Variants in TMEM30A observed in about 807,000 individuals in gnomAD.
The protein encoded by TMEM30A is cell cycle control protein 50A.
A neutral mutation model predicts 38.2 loss-of-function variants in TMEM30A; 24 were observed. The observed-to-expected ratio is 0.63, with a 90% confidence interval of 0.46 to 0.88. The LOEUF (loss-of-function observed/expected upper bound fraction) is 0.88, where lower values mean the gene tolerates loss of function less well. Ranked by LOEUF, TMEM30A falls within the 40% of genes least tolerant of loss-of-function variation. The pLI, the probability that TMEM30A is intolerant of heterozygous loss-of-function variation, is 0.00. For missense variants in TMEM30A, 370 were observed against 458.6 expected (o/e 0.81, Z 1.77); for synonymous variants, 145 against 161.6 (o/e 0.90, Z 0.78).
At chr6:75,270,183 A>G (rs893196090) in intron 1 of TMEM30A, among the ~76,000 whole-genome samples, 2 of 151,970 alleles carry the variant, frequency 1.3e-5, no homozygotes, top group African/African-American at 4.8e-5. Context: ...CATAATTCCT[A>G]TTGCTCCACA....
intron 3 of TMEM30A, among the ~76,000 whole-genome samples, chr6:75,262,004 T>A (rs935154380): frequency 6.6e-6 from 1 of 152,190 alleles, no homozygotes; most frequent in Admixed American, 6.5e-5. Flanking sequence ...ATGTGTCAGG[T>A]ACTAAACTAA....
At chr6:75,270,628 C>T (rs1772149932) in intron 1 of TMEM30A, among the ~76,000 whole-genome samples, 1 of 152,174 alleles carries the variant, frequency 6.6e-6, no homozygotes, top group African/African-American at 2.4e-5. Flanking sequence ...ACTTCCCAGC[C>T]TCCAGAACTA....
At chr6:75,280,625 G>A (rs1270492150) in intron 1 of TMEM30A, among the ~76,000 whole-genome samples, 1 of 152,026 alleles carries the variant, frequency 6.6e-6, no homozygotes, top group East Asian at 1.9e-4. Flanking sequence ...CCTGGGCCAC[G>A]CAAAACATTC....
chr6:75,256,365 C>T (rs1369522569), intron 6 of TMEM30A, 70 bp from the exon 7 acceptor site: 1 of 1,400,832 alleles, frequency 7.1e-7, no homozygotes, highest in East Asian at 2.3e-5. Context: ...TTAAAAGTTG[C>T]CATTTAATTG....
intron 6 of TMEM30A, 89 bp downstream of exon 6, chr6:75,258,691 A>G: frequency 8.5e-7 from 1 of 1,172,166 alleles, no homozygotes; most frequent in South Asian, 1.4e-5. Flanking sequence ...AAACTAAAGC[A>G]CAAGGTAACA....
intron 1 of TMEM30A, among the ~76,000 whole-genome samples, chr6:75,274,749 C>T (rs529571110): frequency 2.6e-4 from 39 of 152,064 alleles, no homozygotes; most frequent in South Asian, 8.3e-4. Context: ...TCAGGCCGGG[C>T]GCGGTGGCTC....
At chr6:75,264,895 T>C (rs1332837809) in intron 3 of TMEM30A, among the ~76,000 whole-genome samples, 1 of 151,464 alleles carries the variant, frequency 6.6e-6, no homozygotes, top group African/African-American at 2.4e-5. Flanking sequence ...AGGTCAGGAG[T>C]TTGAAAGCAG....
chr6:75,274,069 G>A (rs1209604147), intron 1 of TMEM30A, among the ~76,000 whole-genome samples: 2 of 152,206 alleles, frequency 1.3e-5, no homozygotes, highest in African/African-American at 2.4e-5. Context: ...TTTTAAGGCA[G>A]GCTGTAAGCT....
At chr6:75,260,472 T>C (rs555061740) in intron 4 of TMEM30A, among the ~76,000 whole-genome samples, 4 of 152,310 alleles carry the variant, frequency 2.6e-5, no homozygotes, top group South Asian at 2.1e-4. Flanking sequence ...CTTGTATTTA[T>C]AGCTCACATT....
At chr6:75,259,887 G>T (rs1185419238) in intron 4 of TMEM30A, among the ~76,000 whole-genome samples, 5 of 152,130 alleles carry the variant, frequency 3.3e-5, no homozygotes. Flanking sequence ...GGGCTACTGA[G>T]TCTTTCATAT....
intron 1 of TMEM30A, among the ~76,000 whole-genome samples, chr6:75,277,824 T>C (rs1344634952): frequency 6.6e-6 from 1 of 152,160 alleles, no homozygotes; most frequent in Non-Finnish European, 1.5e-5. Flanking sequence ...AAGGGTTGCT[T>C]GAGCCTAGGA....
chr6:75,284,750 C>A lies in TMEM30A; in HGVS notation c.-112G>T. 1 of 987,642 alleles carries A rather than the reference C, an allele frequency of 1.0e-6. No homozygotes were observed. The highest frequency in any genetic ancestry group is 1.6e-6 in the Non-Finnish European group (1 of 634,576). The allele number at this position is 987,642 out of a possible 1,614,324, so 61.2% of individuals were successfully genotyped here. ...GCTGCCGCCGCCGCCGCCGCAGCCA[C>A]CAGCGCCACCGCCACAGCCACCTCC... On this transcript the variant is annotated 5_prime_UTR_variant, in exon 1 of 7. Coordinates refer to ENST00000230461, the MANE Select transcript of TMEM30A (RefSeq NM_018247.4).
rs149465779 is a variant in TMEM30A, at chr6:75,258,845, A to G, written c.827T>C (p.Ile276Thr). 6.2e-7 allele frequency: 1 copy of G among 1,613,864 alleles called. No homozygotes were observed. The highest frequency in any genetic ancestry group is 8.5e-7 in the Non-Finnish European group (1 of 1,179,916). ...LPTFRKLYRLIERKSDLHPTL... is the reference protein window; with the variant it reads ...LPTFRKLYRLTERKSDLHPTL... ...TGGATGTAAATCACTTTTCCTTTCT[A>G]TAAGACGATACAACTTGCGAAAAGT... is the stretch of plus-strand genomic sequence containing the variant. The change falls in exon 6 of 7, where the codon ATA becomes ACA. Residue 276 changes from isoleucine to threonine, a missense_variant. By Grantham distance (89) the Ile-to-Thr change is moderately conservative (BLOSUM62 -1). Coordinates refer to ENST00000230461, the MANE Select transcript of TMEM30A (RefSeq NM_018247.4).
At chr6:75,276,713 T>C (rs981037853) in intron 1 of TMEM30A, among the ~76,000 whole-genome samples, 1 of 152,220 alleles carries the variant, frequency 6.6e-6, no homozygotes, top group African/African-American at 2.4e-5. Flanking sequence ...AGTGAAATAA[T>C]AACACCTATC....
chr6:75,259,955 A>C (rs1771934848), intron 4 of TMEM30A, among the ~76,000 whole-genome samples: 1 of 152,186 alleles, frequency 6.6e-6, no homozygotes, highest in Non-Finnish European at 1.5e-5. Flanking sequence ...GATATCAAAG[A>C]CTTAGTATAA....
rs985612401 is a variant in TMEM30A, at chr6:75,253,824, G to C, written c.*2278C>G. The stretch of plus-strand genomic sequence containing the variant: ...CTTATGATTTCAATGAAATTTCTTA[G>C]CTTTTACTTGTTGAATAATTTTTTC... On this transcript the variant is annotated 3_prime_UTR_variant, in exon 7 of 7. Transcript: ENST00000230461. 6.6e-6 allele frequency: 1 copy of C among 152,304 alleles called. No homozygotes were observed. The highest frequency in any genetic ancestry group is 6.6e-5 in the Admixed American group (1 of 15,240). The allele number at this position is 152,304 out of a possible 1,614,324, so 9.4% of individuals were successfully genotyped here. A position where few individuals can be genotyped will look rare whatever the true frequency, so the allele number is the denominator to read the frequency against.
intron 1 of TMEM30A, among the ~76,000 whole-genome samples, chr6:75,273,257 C>T (rs115098925): frequency 1.5e-4 from 23 of 152,260 alleles, no homozygotes; most frequent in African/African-American, 5.5e-4. Context: ...AAATAAGGAA[C>T]TGAAGAGTTT....
In TMEM30A at chr6:75,284,591, C is replaced by A; in HGVS notation, c.48G>T (p.Pro16=). The change falls in exon 1 of 7, where the codon CCG becomes CCT. Residue 16 remains proline, a synonymous_variant. Coordinates refer to ENST00000230461, the MANE Select transcript of TMEM30A (RefSeq NM_018247.4). ...TCTTCGCGGTGCCCCCCGGAGCACA[C>A]GGGGGCCCACCGTCCACTTCATCCT... ...NAKDEVDGGP[P]CAPGGTAKTR... The A allele has an allele frequency of 6.2e-7, 1 of 1,613,618 alleles. No individual in the cohort carries two copies. The highest frequency in any genetic ancestry group is 1.3e-5 in the African/African-American group (1 of 75,062).
intron 6 of TMEM30A, among the ~76,000 whole-genome samples, chr6:75,256,552 C>T (rs1424952317): frequency 1.3e-5 from 2 of 151,874 alleles, no homozygotes; most frequent in Non-Finnish European, 2.9e-5. Context: ...TGTAGTTTCT[C>T]AGGTGCTTTT....
Sources: gnomAD v4.1 joint callset for allele counts (sites outside exome capture counted in the v4.1 genomes callset) on GRCh38, gnomAD v4.1.1 for gene constraint, MANE v1.5 for transcripts, NCBI Gene and HGNC (gene_info 2026-07-23, HGNC 2026-07-21) for gene names.